SPATA6L: variants seen among roughly 807,000 people sequenced by gnomAD.
The protein encoded by SPATA6L is spermatogenesis associated 6-like protein.
In SPATA6L, 68 loss-of-function variants were observed where a neutral mutation model predicts 49.2. The observed-to-expected ratio is 1.38, with a 90% CI of 1.14 to 1.69. The LOEUF (loss-of-function observed/expected upper bound fraction) is 1.69, where lower values mean the gene tolerates loss of function less well. Ranked by LOEUF, SPATA6L falls within the 40% of genes most tolerant of loss-of-function variation. SPATA6L has a pLI of 0.00. For missense variants in SPATA6L, 668 were observed against 464.3 expected, an observed-to-expected ratio of 1.44 and a Z score of -4.03; for synonymous variants, 198 against 165.7, an observed-to-expected ratio of 1.19 and a Z score of -1.50.
chr9:4,615,610 T>C (rs1004622298), intron 9 of SPATA6L, among the ~76,000 whole-genome samples: 3 of 152,228 alleles, frequency 2.0e-5, no homozygotes, highest in African/African-American at 7.2e-5. Context: ...CTGATGTAAC[T>C]GATTTCCTCT....
At chr9:4,604,342 T>G (rs1824172323) in intron 10 of SPATA6L, 73 bp from the exon 11 acceptor site, 2 of 999,678 alleles carry the variant, frequency 2.0e-6, no homozygotes, top group Non-Finnish European at 3.1e-6. Context: ...AGATGTGTAG[T>G]TTTGCATGTA....
chr9:4,609,660 C>T (rs928947322), intron 9 of SPATA6L, among the ~76,000 whole-genome samples: 2 of 151,548 alleles, frequency 1.3e-5, no homozygotes, highest in Non-Finnish European at 2.9e-5. Flanking sequence ...ATAATAAGAG[C>T]TATCTGTGAC....
chr9:4,657,841 T>C (rs1838655127), intron 2 of SPATA6L, among the ~76,000 whole-genome samples: 1 of 152,218 alleles, frequency 6.6e-6, no homozygotes, highest in African/African-American at 2.4e-5. Flanking sequence ...AGAGGTTCAT[T>C]GGTGGCATCT....
chr9:4,664,317 TA>T lies in SPATA6L; in HGVS notation c.39+1894del, dbSNP rs151246055. The stretch of plus-strand genomic sequence containing the variant: ...GGAACGTCTTCTCAATGCAAGAACA[TA>T]AGCTTTCTCGTATATACCTGTATGC... On this transcript the variant is annotated intron_variant, in intron 1 of 11. Transcript: ENST00000682582. 485 of 166,998 alleles carry T rather than the reference TA, an allele frequency of 2.9e-3. 1 individual carries two copies. Among genetic ancestry groups the T allele is most frequent in the East Asian group, 0.021 (109 of 5,190 alleles). 10.3% of individuals were successfully genotyped at this position (166,998 alleles called of 1,614,324 possible). A position where few individuals can be genotyped will look rare whatever the true frequency, so the allele number is the denominator to read the frequency against.
chr9:4,644,598 G>GA (rs1311904912), intron 3 of SPATA6L, among the ~76,000 whole-genome samples: 6 of 150,826 alleles, frequency 4.0e-5, no homozygotes, highest in Admixed American at 6.6e-5. Context: ...TTTTGAGAAA[G>GA]AAAAAAAGCA....
intron 4 of SPATA6L, among the ~76,000 whole-genome samples, chr9:4,630,730 C>A (rs754582550): frequency 7.9e-5 from 12 of 152,214 alleles, no homozygotes; most frequent in African/African-American, 1.2e-4. Context: ...AAGAAGCCAA[C>A]ACCTACTGCA....
At chr9:4,616,007 G>T (rs3780405) in intron 9 of SPATA6L, among the ~76,000 whole-genome samples, 1 of 152,018 alleles carries the variant, frequency 6.6e-6, no homozygotes, top group Non-Finnish European at 1.5e-5. Flanking sequence ...AGCCAGGCAC[G>T]GTGGCTCATG....
downstream of SPATA6L, among the ~76,000 whole-genome samples, chr9:4,594,302 C>T (rs1822095942): frequency 6.6e-6 from 1 of 152,156 alleles, no homozygotes; most frequent in Admixed American, 6.5e-5. Flanking sequence ...CTCTGCCTCC[C>T]GGGTTCATGC....
chr9:4,606,074 A>G (rs1174786957), intron 9 of SPATA6L, among the ~76,000 whole-genome samples: 2 of 151,962 alleles, frequency 1.3e-5, no homozygotes, highest in Admixed American at 1.3e-4. Context: ...AAATCGGGTC[A>G]CTCCCACCCA....
chr9:4,655,267 T>C (rs1322518893), intron 3 of SPATA6L, among the ~76,000 whole-genome samples: 2 of 152,324 alleles, frequency 1.3e-5, no homozygotes, highest in Admixed American at 1.3e-4. Flanking sequence ...TTGAAAACAT[T>C]ACACTAAGAA....
chr9:4,656,905 T>C (rs1337483026), intron 2 of SPATA6L, among the ~76,000 whole-genome samples: 1 of 151,358 alleles, frequency 6.6e-6, no homozygotes, highest in Non-Finnish European at 1.5e-5. Context: ...TACCTATGCG[T>C]AACACAAAAC....
chr9:4,648,365 T>G (rs112467033), intron 3 of SPATA6L, among the ~76,000 whole-genome samples: 5 of 152,304 alleles, frequency 3.3e-5, no homozygotes, highest in African/African-American at 1.2e-4. Context: ...TTTTAAAATT[T>G]TTTTATTTCC....
intron 3 of SPATA6L, among the ~76,000 whole-genome samples, chr9:4,638,145 T>C (rs1397355937): frequency 1.3e-5 from 2 of 151,646 alleles, no homozygotes; most frequent in East Asian, 3.9e-4. Context: ...TCCATAAGAG[T>C]AAATTACTAG....
intron 9 of SPATA6L, among the ~76,000 whole-genome samples, chr9:4,616,855 G>A (rs1035730685): frequency 2.0e-5 from 3 of 152,136 alleles, no homozygotes; most frequent in Non-Finnish European, 2.9e-5. Context: ...AAACTGCTGG[G>A]ATTATAGGCA....
At chr9:4,639,912 C>T (rs1350037560) in intron 3 of SPATA6L, among the ~76,000 whole-genome samples, 1 of 152,198 alleles carries the variant, frequency 6.6e-6, no homozygotes. Context: ...GAGAGTTTGA[C>T]CTGTCATGAT....
chr9:4,596,192 C>T (rs1035208579), downstream of SPATA6L, among the ~76,000 whole-genome samples: 2 of 152,178 alleles, frequency 1.3e-5, no homozygotes, highest in African/African-American at 4.8e-5. Context: ...GAATTTTACA[C>T]CCCTTAGTGT....
chr9:4,627,118 T>C (rs776359837), intron 5 of SPATA6L: 2 of 151,816 alleles, frequency 1.3e-5, no homozygotes, highest in Non-Finnish European at 2.9e-5. Flanking sequence ...TCCCAACACG[T>C]AGGGAGGCTG....
At chr9:4,597,091 T>G (rs1822321155), downstream of SPATA6L, among the ~76,000 whole-genome samples, 1 of 152,046 alleles carries the variant, frequency 6.6e-6, no homozygotes, top group Non-Finnish European at 1.5e-5. Context: ...ATAAGGACAT[T>G]GAGACACAAA....
intron 9 of SPATA6L, among the ~76,000 whole-genome samples, chr9:4,606,939 A>T (rs1322191897): frequency 1.2e-4 from 17 of 145,136 alleles, no homozygotes; most frequent in Non-Finnish European, 2.5e-4. Flanking sequence ...CAATACAGAG[A>T]AGTGCTTAAA....
Sources: gnomAD v4.1 joint callset for allele counts (sites outside exome capture counted in the v4.1 genomes callset) on GRCh38, gnomAD v4.1.1 for gene constraint, MANE v1.5 for transcripts, NCBI Gene and HGNC (gene_info 2026-07-23, HGNC 2026-07-21) for gene names.